The following PDGFD variants were observed in gnomAD, a reference collection of about 807,000 sequenced individuals.
The protein encoded by PDGFD is platelet-derived growth factor D.
In PDGFD, 30 loss-of-function variants were observed where a neutral mutation model predicts 44.7. The ratio of observed to expected loss-of-function variants is 0.67; its 90% CI spans 0.50 to 0.91. PDGFD has a LOEUF of 0.91. Ranked by LOEUF, PDGFD falls within the 40% of genes least tolerant of loss-of-function variation. The pLI is 0.00. For synonymous variants in PDGFD, 173 were observed against 168.4 expected, an observed-to-expected ratio of 1.03 and a Z score of -0.21; for missense variants, 445 against 457.8, an observed-to-expected ratio of 0.97 and a Z score of 0.25.
chr11:103,937,804 T>A (rs1383933729), intron 5 of PDGFD, among the ~76,000 whole-genome samples: 2 of 149,984 alleles, frequency 1.3e-5, no homozygotes, highest in Non-Finnish European at 3.0e-5. Flanking sequence ...ACATGCGGTG[T>A]TTGGTTTTTT....
At position 103,927,200 on chromosome 11, in the gene PDGFD, T is replaced by C. The variant is rs935081442; in HGVS notation, c.773-74A>G. 6.5e-5 allele frequency: 87 copies of C among 1,342,602 alleles called. No individual in the cohort carries two copies. The Admixed American group carries it at 8.9e-4, about 14-fold the overall frequency. 83.2% of individuals were successfully genotyped at this position (1,342,602 alleles called of 1,614,324 possible). The stretch of plus-strand genomic sequence containing the variant: ...ATTGCTCAGCATGTGTTTTGGGGAA[T>C]AGAGTGGGAAGATTCTGTGAGGACA... On this transcript the variant is annotated intron_variant, in intron 5 of 6. Coordinates refer to ENST00000393158, the MANE Select transcript of PDGFD (RefSeq NM_025208.5).
intron 1 of PDGFD, among the ~76,000 whole-genome samples, chr11:104,021,772 T>C (rs1283355188): frequency 6.6e-6 from 1 of 152,178 alleles, no homozygotes; most frequent in Non-Finnish European, 1.5e-5. Flanking sequence ...CTTATTATGC[T>C]GATAGCTAAC....
At chr11:104,069,735 C>T (rs1404592120) in intron 1 of PDGFD, among the ~76,000 whole-genome samples, 2 of 152,188 alleles carry the variant, frequency 1.3e-5, no homozygotes, top group South Asian at 4.1e-4. Flanking sequence ...TGGCCGGTGC[C>T]TGTAGTCCCA....
chr11:104,036,418 T>C (rs1270294696), intron 1 of PDGFD, among the ~76,000 whole-genome samples: 1 of 152,028 alleles, frequency 6.6e-6, no homozygotes, highest in Non-Finnish European at 1.5e-5. Context: ...TACTCCAGCC[T>C]GGGTGACAGG....
chr11:104,037,569 A>T, intron 1 of PDGFD: 1 of 1,614,032 alleles, frequency 6.2e-7, no homozygotes, highest in Non-Finnish European at 8.5e-7. Flanking sequence ...TTAACTGCAA[A>T]GTGAATGGGC....
chr11:104,096,330 A>G (rs1367793678), intron 1 of PDGFD, among the ~76,000 whole-genome samples: 1 of 152,170 alleles, frequency 6.6e-6, no homozygotes, highest in Non-Finnish European at 1.5e-5. Flanking sequence ...AATATCAGGA[A>G]TGCTGGAAAA....
At chr11:104,020,134 C>T (rs1859927622) in intron 1 of PDGFD, among the ~76,000 whole-genome samples, 1 of 152,018 alleles carries the variant, frequency 6.6e-6, no homozygotes, top group Non-Finnish European at 1.5e-5. Flanking sequence ...GTTTCCTAGG[C>T]CGATTTATTG....
chr11:104,124,364 C>T (rs1021507811), intron 1 of PDGFD, among the ~76,000 whole-genome samples: 15 of 152,038 alleles, frequency 9.9e-5, no homozygotes, highest in South Asian at 2.1e-4. Context: ...TAACTGTGAA[C>T]GGGCTGTATA....
At chr11:104,049,956 T>C (rs1475268881) in intron 1 of PDGFD, among the ~76,000 whole-genome samples, 1 of 152,166 alleles carries the variant, frequency 6.6e-6, no homozygotes, top group African/African-American at 2.4e-5. Flanking sequence ...GAGAGAATTC[T>C]TTCAGGGAAG....
chr11:104,031,372 CA>C (rs552597565), intron 1 of PDGFD, among the ~76,000 whole-genome samples: 5 of 152,006 alleles, frequency 3.3e-5, no homozygotes, highest in Non-Finnish European at 7.4e-5. Flanking sequence ...TGCATGCGAC[CA>C]AAAAACATAT....
At chr11:104,103,408 C>T (rs953697134) in intron 1 of PDGFD, among the ~76,000 whole-genome samples, 10 of 149,450 alleles carry the variant, frequency 6.7e-5, no homozygotes, top group East Asian at 2.0e-4. Flanking sequence ...TTTCTTTCCC[C>T]TTCTCAATGA....
At chr11:104,137,728 CTTTTTT>C (rs5794295) in intron 1 of PDGFD, among the ~76,000 whole-genome samples, 31 of 76,614 alleles carry the variant, frequency 4.0e-4, no homozygotes, top group African/African-American at 9.9e-4. Context: ...TAGATCACCA[CTTTTTT>C]TTTTTTTTTT....
chr11:104,125,866 T>A (rs1031270269), intron 1 of PDGFD, among the ~76,000 whole-genome samples: 1 of 152,188 alleles, frequency 6.6e-6, no homozygotes, highest in East Asian at 1.9e-4. Flanking sequence ...CCAACAGTAA[T>A]GGTGTCACTG....
intron 1 of PDGFD, among the ~76,000 whole-genome samples, chr11:104,148,901 G>A (rs548706987): frequency 1.4e-4 from 21 of 152,238 alleles, no homozygotes; most frequent in African/African-American, 4.8e-4. Flanking sequence ...CTTTACCCAC[G>A]TCTCTGCAAA....
intron 1 of PDGFD, among the ~76,000 whole-genome samples, chr11:104,068,617 G>C (rs1038070723): frequency 6.6e-6 from 1 of 152,000 alleles, no homozygotes; most frequent in African/African-American, 2.4e-5. Flanking sequence ...TATTAAATTG[G>C]AATTGACCAA....
At chr11:104,118,938 ATAT>A (rs1861691744) in intron 1 of PDGFD, among the ~76,000 whole-genome samples, 1 of 103,156 alleles carries the variant, frequency 9.7e-6, no homozygotes, top group Admixed American at 1.5e-4. Flanking sequence ...ATTATAATAT[ATAT>A]TATAATAATA....
chr11:104,080,883 A>G (rs890482024), intron 1 of PDGFD, among the ~76,000 whole-genome samples: 3 of 152,202 alleles, frequency 2.0e-5, no homozygotes, highest in Admixed American at 6.5e-5. Context: ...CCTGAGGAGA[A>G]GACCATATGG....
At chr11:104,122,881 G>A (rs536661296) in intron 1 of PDGFD, among the ~76,000 whole-genome samples, 4 of 151,788 alleles carry the variant, frequency 2.6e-5, no homozygotes, top group South Asian at 4.1e-4. Context: ...AAGATAGATA[G>A]AAAGAAATTT....
At chr11:104,043,037 A>G (rs1337255909) in intron 1 of PDGFD, among the ~76,000 whole-genome samples, 1 of 152,202 alleles carries the variant, frequency 6.6e-6, no homozygotes, top group Non-Finnish European at 1.5e-5. Flanking sequence ...AGAGATGAAG[A>G]AATTTAAATT....
Sources: gnomAD v4.1 joint callset for allele counts (sites outside exome capture counted in the v4.1 genomes callset) on GRCh38, gnomAD v4.1.1 for gene constraint, MANE v1.5 for transcripts, NCBI Gene and HGNC (gene_info 2026-07-23, HGNC 2026-07-21) for gene names.